OPCML: variants seen among roughly 807,000 people sequenced by gnomAD.
The protein encoded by OPCML is opioid-binding protein/cell adhesion molecule.
In OPCML, 13 loss-of-function variants were observed where a neutral mutation model predicts 37.8. The ratio of observed to expected loss-of-function variants is 0.34; its 90% CI spans 0.22 to 0.55. OPCML has a LOEUF of 0.55. Ranked by LOEUF, OPCML falls within the 20% of genes least tolerant of loss-of-function variation. The pLI, the probability that OPCML is intolerant of heterozygous loss-of-function variation, is 0.91. For synonymous variants in OPCML, 176 were observed against 168.8 expected (o/e 1.04, Z -0.33); for missense variants, 341 against 435.6 (o/e 0.78, Z 1.93).
chr11:133,006,417 A>G (rs1947114026), intron 1 of OPCML: 2 of 984,950 alleles, frequency 2.0e-6, no homozygotes, highest in Non-Finnish European at 2.4e-6. Flanking sequence ...GCTGAACTGA[A>G]AAAAAGTCCT....
intron 1 of OPCML, among the ~76,000 whole-genome samples, chr11:133,054,232 A>G (rs995016998): frequency 6.6e-6 from 1 of 152,190 alleles, no homozygotes; most frequent in Non-Finnish European, 1.5e-5. Flanking sequence ...TTGACAGATC[A>G]GCTCATACTT....
At chr11:132,858,916 C>T (rs775500004) in intron 2 of OPCML, among the ~76,000 whole-genome samples, 11 of 151,940 alleles carry the variant, frequency 7.2e-5, no homozygotes, top group East Asian at 1.9e-4. Flanking sequence ...ATTGTTTATA[C>T]GTGTGTGTGT....
chr11:133,049,324 G>A (rs182721248), intron 1 of OPCML, among the ~76,000 whole-genome samples: 63 of 152,322 alleles, frequency 4.1e-4, no homozygotes, highest in African/African-American at 1.4e-3. Context: ...TCACCAGGGA[G>A]GAGAATGATC....
intron 1 of OPCML, among the ~76,000 whole-genome samples, chr11:132,958,866 AC>A (rs763669617): frequency 1.3e-5 from 2 of 152,336 alleles, no homozygotes; most frequent in Middle Eastern, 3.4e-3. Flanking sequence ...TCACCTAGTT[AC>A]CCAAAAGCTC....
At chr11:133,427,211 C>T (rs1946020231) in intron 1 of OPCML, among the ~76,000 whole-genome samples, 2 of 151,880 alleles carry the variant, frequency 1.3e-5, no homozygotes, top group East Asian at 3.9e-4. Context: ...TACCATATCA[C>T]AAAAAAGGCA....
intron 1 of OPCML, among the ~76,000 whole-genome samples, chr11:133,181,361 A>ACAGGGGTGG: frequency 7.6e-6 from 1 of 130,862 alleles, no homozygotes; most frequent in Non-Finnish European, 1.6e-5. Context: ...ATGTTACTGC[A>ACAGGGGTGG]CGGGGGTGGC....
intron 2 of OPCML, among the ~76,000 whole-genome samples, chr11:132,711,455 A>C (rs562440928): frequency 6.6e-6 from 1 of 152,202 alleles, no homozygotes; most frequent in Non-Finnish European, 1.5e-5. Flanking sequence ...CTTGACTCAA[A>C]TTTAACATGA....
chr11:133,283,588 CA>C (rs1942220239), intron 1 of OPCML, among the ~76,000 whole-genome samples: 1 of 152,126 alleles, frequency 6.6e-6, no homozygotes, highest in Non-Finnish European at 1.5e-5. Flanking sequence ...TACACTGACA[CA>C]AAAATGGACT....
intron 1 of OPCML, among the ~76,000 whole-genome samples, chr11:133,516,804 C>T (rs1948285777): frequency 6.6e-6 from 1 of 152,166 alleles, no homozygotes. Context: ...AGACTGTTTG[C>T]ATTGATTTCC....
At chr11:132,812,007 G>T (rs961329093) in intron 2 of OPCML, among the ~76,000 whole-genome samples, 4 of 152,094 alleles carry the variant, frequency 2.6e-5, no homozygotes, top group Non-Finnish European at 5.9e-5. Flanking sequence ...CAGCTTAGAC[G>T]CAGTGGCTTG....
rs566342412 is a variant in OPCML, at chr11:133,459,130, T to C, written c.61+73134A>G. Among the ~76,000 whole-genome samples the C allele has an allele frequency of 2.0e-5, 3 of 152,236 alleles. No individual in the cohort carries two copies. In the East Asian group the frequency reaches 5.8e-4, roughly 29 times the overall value. On this transcript the variant is annotated intron_variant, in intron 1 of 7. Transcript: ENST00000524381. ...AAGAAGCAGAGTTTTTGTATGTGAC[T>C]AAAGTTACATTGGCATCAATTTAAC...
chr11:132,578,019 A>G (rs2096454599), intron 3 of OPCML, among the ~76,000 whole-genome samples: 1 of 152,150 alleles, frequency 6.6e-6, no homozygotes, highest in Non-Finnish European at 1.5e-5. Context: ...TATACAAGAT[A>G]CATAGAAAAA....
intron 1 of OPCML, among the ~76,000 whole-genome samples, chr11:133,496,093 G>A (rs1442518104): frequency 6.6e-6 from 1 of 152,176 alleles, no homozygotes; most frequent in African/African-American, 2.4e-5. Flanking sequence ...TGAGAGATGA[G>A]GATCTAGTTT....
chr11:133,391,089 C>T (rs924398004), intron 1 of OPCML, among the ~76,000 whole-genome samples: 1 of 152,096 alleles, frequency 6.6e-6, no homozygotes, highest in Non-Finnish European at 1.5e-5. Context: ...AAGAAGTTTG[C>T]GAGAGAGAAA....
intron 3 of OPCML, among the ~76,000 whole-genome samples, chr11:132,615,777 G>T (rs1938968570): frequency 6.6e-6 from 1 of 152,086 alleles, no homozygotes; most frequent in Admixed American, 6.5e-5. Flanking sequence ...AAAGCTCATA[G>T]CAGGAACTCA....
chr11:133,354,791 G>A (rs1368350432), intron 1 of OPCML, among the ~76,000 whole-genome samples: 3 of 152,210 alleles, frequency 2.0e-5, no homozygotes, highest in African/African-American at 7.2e-5. Flanking sequence ...CATATTTACA[G>A]AAGGAAAGGT....
At chr11:133,388,755 T>C (rs1945109151) in intron 1 of OPCML, among the ~76,000 whole-genome samples, 1 of 152,218 alleles carries the variant, frequency 6.6e-6, no homozygotes, top group Non-Finnish European at 1.5e-5. Context: ...ATCACCTTAA[T>C]TGAGTTATCA....
chr11:133,056,593 T>C (rs1321701864), intron 1 of OPCML, among the ~76,000 whole-genome samples: 1 of 152,242 alleles, frequency 6.6e-6, no homozygotes, highest in African/African-American at 2.4e-5. Context: ...GCAACATTCC[T>C]CCAAACTCAG....
At chr11:133,120,003 T>A (rs1949396501) in intron 1 of OPCML, among the ~76,000 whole-genome samples, 1 of 152,166 alleles carries the variant, frequency 6.6e-6, no homozygotes, top group Admixed American at 6.5e-5. Flanking sequence ...CATCTTTTTA[T>A]GCCTGTTCAC....
Sources: allele counts gnomAD v4.1 joint callset (sites outside exome capture counted in the v4.1 genomes callset), GRCh38; gene constraint gnomAD v4.1.1; transcripts MANE v1.5; gene names NCBI Gene and HGNC (gene_info 2026-07-23, HGNC 2026-07-21).